Variants in DTNA observed in about 807,000 individuals in gnomAD.
DTNA encodes the protein dystrophin-related protein 3.
In DTNA, 43 loss-of-function variants were observed where a neutral mutation model predicts 100.7. That is an observed-to-expected ratio of 0.43 (90% CI 0.33 to 0.55). The LOEUF is 0.55. DTNA is among the 20% of genes least tolerant of loss of function. DTNA has a pLI of 0.04. For synonymous variants in DTNA, 349 were observed against 347.9 expected (o/e 1.00, Z -0.04); for missense variants, 798 against 953.9 (o/e 0.84, Z 2.15).
intron 17 of DTNA, chr18:34,868,578 A>G (rs570118091): frequency 2.5e-5 from 25 of 985,312 alleles, no homozygotes; most frequent in Non-Finnish European, 2.9e-5. Flanking sequence ...CCCCCACACA[A>G]CAAATTGTGC....
chr18:34,661,648 C>T (rs1190650561), intron 1 of DTNA, among the ~76,000 whole-genome samples: 3 of 152,074 alleles, frequency 2.0e-5, no homozygotes, highest in Admixed American at 6.6e-5. Flanking sequence ...GATGAATGAA[C>T]ATTCAGCTAG....
intron 1 of DTNA, among the ~76,000 whole-genome samples, chr18:34,619,958 G>A (rs1379612986): frequency 6.6e-6 from 1 of 152,142 alleles, no homozygotes; most frequent in African/African-American, 2.4e-5. Context: ...GAGACACTGA[G>A]AATAATTAGC....
At chr18:34,759,059 C>G (rs1728054333) in intron 2 of DTNA, among the ~76,000 whole-genome samples, 1 of 152,118 alleles carries the variant, frequency 6.6e-6, no homozygotes, top group Admixed American at 6.5e-5. Flanking sequence ...TGACCACCTA[C>G]TTTGATTTAA....
At chr18:34,851,361 C>A (rs1171189385) in intron 14 of DTNA, among the ~76,000 whole-genome samples, 1 of 152,208 alleles carries the variant, frequency 6.6e-6, no homozygotes, top group African/African-American at 2.4e-5. Flanking sequence ...CTCAGCCTCC[C>A]AAAGTGCTGG....
At chr18:34,614,118 C>T (rs1307927005) in intron 1 of DTNA, among the ~76,000 whole-genome samples, 5 of 152,288 alleles carry the variant, frequency 3.3e-5, no homozygotes, top group African/African-American at 1.2e-4. Context: ...TGCCTGTTCT[C>T]TATAAATGGA....
At chr18:34,887,633 G>T (rs1218232005) in intron 22 of DTNA, 133 bp from the exon 23 acceptor site, 2 of 580,178 alleles carry the variant, frequency 3.4e-6, no homozygotes, top group African/African-American at 2.0e-5. Context: ...AAAGGAGTGT[G>T]TGTGTGCATG....
intron 1 of DTNA, among the ~76,000 whole-genome samples, chr18:34,680,271 T>C (rs2077919147): frequency 6.6e-6 from 1 of 152,174 alleles, no homozygotes; most frequent in African/African-American, 2.4e-5. Flanking sequence ...GTCATCACCC[T>C]TCCATGTCAG....
intron 1 of DTNA, among the ~76,000 whole-genome samples, chr18:34,556,038 A>G (rs1055439483): frequency 1.3e-5 from 2 of 150,968 alleles, no homozygotes; most frequent in African/African-American, 2.4e-5. Context: ...GACTTGCTTT[A>G]TGAATCTGGG....
intron 1 of DTNA, among the ~76,000 whole-genome samples, chr18:34,696,901 G>A (rs1477866860): frequency 1.3e-5 from 2 of 152,166 alleles, no homozygotes; most frequent in African/African-American, 4.8e-5. Flanking sequence ...TAAAGCAGTG[G>A]TTCTCAACCA....
At chr18:34,575,071 A>C (rs1481076682) in intron 1 of DTNA, among the ~76,000 whole-genome samples, 1 of 152,258 alleles carries the variant, frequency 6.6e-6, no homozygotes, top group Non-Finnish European at 1.5e-5. Flanking sequence ...CCTCAGAGGC[A>C]TAGCTGATAT....
chr18:34,552,998 T>G lies in DTNA; in HGVS notation c.-2+59484T>G, dbSNP rs1314239316. ...AACTAGTTTACAGTCCCACCAACAG[T>G]GTAAAAGTGTTCCTATTTCTCCACA... is the stretch of plus-strand genomic sequence containing the variant. On this transcript the variant is annotated intron_variant, in intron 1 of 19. Coordinates refer to the DTNA transcript ENST00000283365. Among the ~76,000 whole-genome samples, 51 of 150,770 alleles carry G rather than the reference T, an allele frequency of 3.4e-4. No homozygotes were observed. The East Asian group carries it at 9.6e-3, about 28-fold the overall frequency.
At chr18:34,864,681 A>G (rs1274856198) in intron 17 of DTNA, among the ~76,000 whole-genome samples, 2 of 152,168 alleles carry the variant, frequency 1.3e-5, no homozygotes, top group Non-Finnish European at 2.9e-5. Flanking sequence ...GAAATATTTT[A>G]TATTTAGTAG....
At position 34,655,978 on chromosome 18, in the gene DTNA, CAT is replaced by C. The variant is rs1245247652; in HGVS notation, c.-1-99996_-1-99995del. Reference sequence around the variant, plus strand: ...GAGCACAAAAGGGAGGCTTTACACACATAAACACATGTTTACACACACGTGTG... The same window carrying C: ...GAGCACAAAAGGGAGGCTTTACACACAAACACATGTTTACACACACGTGTG... On this transcript the variant is annotated intron_variant, in intron 1 of 19. Coordinates refer to the DTNA transcript ENST00000283365. Among the ~76,000 whole-genome samples the C allele has an allele frequency of 5.9e-5, 9 of 152,194 alleles. No homozygotes were observed. In the East Asian group the frequency reaches 1.5e-3, roughly 26 times the overall value.
At chr18:34,757,789 AG>A (rs202150127) in intron 2 of DTNA, among the ~76,000 whole-genome samples, 445 of 152,376 alleles carry the variant, frequency 2.9e-3, no homozygotes, top group African/African-American at 0.011. Context: ...GTGTTTTCAT[AG>A]AAACATCACA....
At chr18:34,619,282 C>G (rs2055979198) in intron 1 of DTNA, among the ~76,000 whole-genome samples, 1 of 152,058 alleles carries the variant, frequency 6.6e-6, no homozygotes, top group Non-Finnish European at 1.5e-5. Context: ...AACATTTATA[C>G]TGGGTCAGTG....
intron 1 of DTNA, among the ~76,000 whole-genome samples, chr18:34,546,959 G>C (rs2044853089): frequency 6.6e-6 from 1 of 151,650 alleles, no homozygotes; most frequent in African/African-American, 2.4e-5. Flanking sequence ...CACCCACCTC[G>C]GCCTCCCAAA....
intron 1 of DTNA, among the ~76,000 whole-genome samples, chr18:34,670,171 T>C (rs188538773): frequency 1.3e-5 from 2 of 152,322 alleles, no homozygotes; most frequent in East Asian, 1.9e-4. Flanking sequence ...TTTCATTCAT[T>C]TGGTCTTCCA....
chr18:34,678,305 T>C (rs1345853820), intron 1 of DTNA, among the ~76,000 whole-genome samples: 2 of 152,150 alleles, frequency 1.3e-5, no homozygotes, highest in Non-Finnish European at 2.9e-5. Context: ...CCTCAAATCA[T>C]AGGAAGCCTG....
chr18:34,596,407 C>T (rs564949663), intron 1 of DTNA, among the ~76,000 whole-genome samples: 3 of 151,898 alleles, frequency 2.0e-5, no homozygotes, highest in African/African-American at 4.8e-5. Flanking sequence ...TTAGTAGAGT[C>T]GGGTTTTCAA....
Sources: gnomAD v4.1 joint callset for allele counts (sites outside exome capture counted in the v4.1 genomes callset) on GRCh38, gnomAD v4.1.1 for gene constraint, MANE v1.5 for transcripts, NCBI Gene and HGNC (gene_info 2026-07-23, HGNC 2026-07-21) for gene names.